Variants in USP13 observed in about 807,000 individuals in gnomAD.
USP13 encodes the protein ubiquitin specific peptidase 13.
A neutral mutation model predicts 107.8 loss-of-function variants in USP13; 68 were observed. The observed-to-expected ratio is 0.63, with a 90% confidence interval of 0.52 to 0.77. The LOEUF is 0.77. Among genes scored for constraint, USP13 ranks in the 30% least tolerant of loss-of-function variants. The probability of loss-of-function intolerance (pLI) is 0.00; values close to 1 mark genes in which losing one functional copy is unlikely to be tolerated. For synonymous variants in USP13, 377 were observed against 389.5 expected (o/e 0.97, Z 0.38); for missense variants, 945 against 1,093.3 (o/e 0.86, Z 1.91).
In USP13 at chr3:179,698,871, A is replaced by ATTT. The variant is rs397688832; in HGVS notation, c.356-2125_356-2123dup. 1.2e-3 allele frequency among the ~76,000 whole-genome samples: 173 copies of ATTT among 144,510 alleles called. 2 individuals carry two copies. Among genetic ancestry groups the ATTT allele is most frequent in the African/African-American group, 4.1e-3 (160 of 39,046 alleles). The allele number at this position is 144,510 out of a possible 152,430, so 94.8% of individuals were successfully genotyped here. ...ATAATATTCTATTGGGTTGAATACT[A>ATTT]TTTTTTTTTTTTTTCTGAGATGGAG... On this transcript the variant is annotated intron_variant, in intron 3 of 20. Transcript: ENST00000263966.
intron 8 of USP13, among the ~76,000 whole-genome samples, chr3:179,725,479 C>T (rs1713481027): frequency 6.6e-6 from 1 of 152,196 alleles, no homozygotes; most frequent in Non-Finnish European, 1.5e-5. Flanking sequence ...CCCAAAGAAG[C>T]ATGCTCTGTT....
chr3:179,743,551 T>C (rs974580348), intron 12 of USP13, among the ~76,000 whole-genome samples: 5 of 152,250 alleles, frequency 3.3e-5, no homozygotes, highest in African/African-American at 9.6e-5. Flanking sequence ...GCTCATGCAG[T>C]TTTTGATCAG....
At chr3:179,739,543 C>T (rs183567012) in intron 10 of USP13, among the ~76,000 whole-genome samples, 35 of 152,312 alleles carry the variant, frequency 2.3e-4, no homozygotes, top group African/African-American at 7.2e-4. Flanking sequence ...GCTCTCCTCT[C>T]ATTTATTTAT....
intron 13 of USP13, among the ~76,000 whole-genome samples, chr3:179,749,571 A>C (rs997279912): frequency 1.3e-5 from 2 of 152,236 alleles, no homozygotes; most frequent in African/African-American, 4.8e-5. Context: ...GAACAGATAT[A>C]TATTGAACAG....
chr3:179,751,146 GT>G (rs1217535751), intron 13 of USP13, among the ~76,000 whole-genome samples: 1 of 152,156 alleles, frequency 6.6e-6, no homozygotes. Flanking sequence ...AGAAATGGTT[GT>G]TAAAAACAAA....
intron 16 of USP13, 150 bp downstream of exon 16, chr3:179,757,228 T>G: frequency 1.2e-6 from 1 of 804,422 alleles, no homozygotes; most frequent in Non-Finnish European, 2.0e-6. Context: ...TGCTAGTCAG[T>G]GACATGCTGA....
At chr3:179,755,929 T>C (rs193298694) in intron 15 of USP13, among the ~76,000 whole-genome samples, 9 of 152,328 alleles carry the variant, frequency 5.9e-5, no homozygotes, top group African/African-American at 1.9e-4. Flanking sequence ...TGTTGTTCTC[T>C]AACGCTGGGT....
intron 19 of USP13, among the ~76,000 whole-genome samples, chr3:179,767,613 T>A (rs2108541573): frequency 6.6e-6 from 1 of 152,216 alleles, no homozygotes; most frequent in Admixed American, 6.5e-5. Context: ...TTGTTGGAGG[T>A]ATCAAGTTGA....
At chr3:179,761,367 G>C (rs540024455) in intron 17 of USP13, 112 bp downstream of exon 17, 5 of 1,365,056 alleles carry the variant, frequency 3.7e-6, no homozygotes, top group African/African-American at 1.5e-5. Context: ...TGACTTTATA[G>C]TTCCTAATCT....
At chr3:179,757,028 T>G in intron 15 of USP13, 24 bp from the exon 16 acceptor site, 1 of 1,613,848 alleles carries the variant, frequency 6.2e-7, no homozygotes, top group East Asian at 2.2e-5. Flanking sequence ...GGTCTCATTT[T>G]CTGTCCTCTC....
In USP13 at chr3:179,784,308, A is replaced by G; in HGVS notation, c.*167A>G. The G allele has an allele frequency of 1.8e-6, 1 of 553,666 alleles. No individual in the cohort carries two copies. The highest frequency in any genetic ancestry group is 2.8e-5 in the South Asian group (1 of 36,288). The allele number at this position is 553,666 out of a possible 1,614,324, so 34.3% of individuals were successfully genotyped here. On this transcript the variant is annotated 3_prime_UTR_variant, in exon 21 of 21. Coordinates refer to ENST00000263966, the MANE Select transcript of USP13 (RefSeq NM_003940.3). Reference sequence around the variant, plus strand: ...TGACACCTTCTGAAATAGAACTGAGAAGAAATTTCTATTAGTGATGATACA... The same window carrying G: ...TGACACCTTCTGAAATAGAACTGAGGAGAAATTTCTATTAGTGATGATACA...
At chr3:179,658,189 C>G (rs140319374) in intron 1 of USP13, among the ~76,000 whole-genome samples, 4 of 152,148 alleles carry the variant, frequency 2.6e-5, no homozygotes, top group African/African-American at 9.7e-5. Flanking sequence ...CTCCTGACCT[C>G]GTGATCCGCC....
At chr3:179,709,385 G>T (rs1256383603) in intron 6 of USP13, among the ~76,000 whole-genome samples, 1 of 152,218 alleles carries the variant, frequency 6.6e-6, no homozygotes, top group African/African-American at 2.4e-5. Flanking sequence ...CAGGGATTAA[G>T]TATCATTTTA....
Position 179,721,395 on chromosome 3 carries a change from G to A in USP13, c.901-7G>A. On this transcript the variant is annotated splice_polypyrimidine_tract_variant and splice_region_variant and intron_variant, in intron 7 of 20. Transcript: ENST00000263966. The surrounding 1 kb of genome is among the most constrained non-coding windows in gnomAD (Gnocchi z 4.3). Reference sequence around the variant, plus strand: ...AAAGTTGTTTTTCTTCGATGACTTTGTCTCAGACAGAGAATGGGCTCCAGG... The same window carrying A: ...AAAGTTGTTTTTCTTCGATGACTTTATCTCAGACAGAGAATGGGCTCCAGG... 1.2e-6 allele frequency: 2 copies of A among 1,611,882 alleles called. No homozygotes were observed. Among genetic ancestry groups the A allele is most frequent in the Non-Finnish European group, 1.7e-6 (2 of 1,178,672 alleles).
intron 1 of USP13, among the ~76,000 whole-genome samples, chr3:179,666,669 C>G (rs1336053077): frequency 2.6e-5 from 4 of 152,204 alleles, no homozygotes; most frequent in African/African-American, 4.8e-5. Context: ...GGCAGGGTGC[C>G]TGGCACAGGC....
intron 14 of USP13, among the ~76,000 whole-genome samples, chr3:179,753,376 C>T (rs1338488758): frequency 6.6e-6 from 1 of 152,178 alleles, no homozygotes; most frequent in Non-Finnish European, 1.5e-5. Flanking sequence ...CAGGGGAAGG[C>T]AGAGGGCAGG....
chr3:179,745,113 A>G lies in USP13; in HGVS notation c.1605A>G (p.Val535=). Residue 535 remains valine, a synonymous_variant, in exon 13 of 21, where the codon GTA becomes GTG. Coordinates refer to ENST00000263966, the MANE Select transcript of USP13 (RefSeq NM_003940.3). ...ACAGAAGACCCCTTCCTGAGTTGGT[A>G]CGTGCCAAGATACCATTTAGTGCCT... is the stretch of plus-strand genomic sequence containing the variant. ...EANRRPLPEL[V]RAKIPFSACL... The G allele has an allele frequency of 1.2e-6, 2 of 1,614,216 alleles. No individual in the cohort carries two copies. Among genetic ancestry groups the G allele is most frequent in the Non-Finnish European group, 1.7e-6 (2 of 1,180,034 alleles).
At position 179,690,310 on chromosome 3, in the gene USP13, T is replaced by C. The variant is rs763421603; in HGVS notation, c.355+9T>C. On this transcript the variant is annotated intron_variant, in intron 3 of 20. Transcript: ENST00000263966. ...TTCCAAGATTTTTTTAGGTAAATAG[T>C]TATCAGTAGCATGCTCAGATTTTGT... 1 of 1,613,100 alleles carries C rather than the reference T, an allele frequency of 6.2e-7. No homozygotes were observed. The highest frequency in any genetic ancestry group is 1.7e-5 in the Admixed American group (1 of 59,984).
chr3:179,780,034 G>A (rs1715690410), intron 19 of USP13, among the ~76,000 whole-genome samples: 1 of 152,180 alleles, frequency 6.6e-6, no homozygotes, highest in Admixed American at 6.5e-5. Flanking sequence ...AGATAGATAA[G>A]GCTGAGTGGA....
Sources: allele counts gnomAD v4.1 joint callset (sites outside exome capture counted in the v4.1 genomes callset), GRCh38; gene constraint gnomAD v4.1.1; non-coding constraint Gnocchi (gnomAD v3.1); transcripts MANE v1.5; gene names NCBI Gene and HGNC (gene_info 2026-07-23, HGNC 2026-07-21).